The following PAK1 variants were observed in gnomAD, a reference collection of about 807,000 sequenced individuals.
PAK1 encodes the protein serine/threonine-protein kinase PAK 1.
Under a neutral mutation model 67.4 loss-of-function variants are expected in PAK1, and 29 were observed. The ratio of observed to expected loss-of-function variants is 0.43; its 90% CI spans 0.32 to 0.59. The LOEUF is 0.59. Among genes scored for constraint, PAK1 ranks in the 20% least tolerant of loss-of-function variants. The pLI, the probability that PAK1 is intolerant of heterozygous loss-of-function variation, is 0.07. For synonymous variants in PAK1, 223 were observed against 237.4 expected (o/e 0.94, Z 0.56); for missense variants, 337 against 670.7 (o/e 0.50, Z 5.50).
chr11:77,362,141 A>G (rs1454646708), intron 5 of PAK1, among the ~76,000 whole-genome samples: 1 of 152,220 alleles, frequency 6.6e-6, no homozygotes, highest in Non-Finnish European at 1.5e-5. Flanking sequence ...TATTACAGAA[A>G]TGTATGAATA....
intron 2 of PAK1, among the ~76,000 whole-genome samples, chr11:77,391,304 C>T (rs1036611311): frequency 1.3e-5 from 2 of 152,196 alleles, no homozygotes; most frequent in African/African-American, 4.8e-5. Flanking sequence ...AGAGAACTAA[C>T]ATTCAAATAC....
chr11:77,347,146 CAT>C, intron 9 of PAK1: 1 of 451,730 alleles, frequency 2.2e-6, no homozygotes, highest in East Asian at 7.0e-5. Context: ...CCCTTCCATT[CAT>C]AGTTTTGTAA....
chr11:77,410,565 G>A (rs541518378), intron 1 of PAK1, among the ~76,000 whole-genome samples: 1 of 151,934 alleles, frequency 6.6e-6, no homozygotes, highest in Middle Eastern at 3.4e-3. Context: ...TTAGAAAAGA[G>A]AAGAAAGCCT....
intron 1 of PAK1, among the ~76,000 whole-genome samples, chr11:77,450,947 T>C (rs1436015394): frequency 1.3e-5 from 2 of 152,122 alleles, no homozygotes; most frequent in Non-Finnish European, 2.9e-5. Flanking sequence ...AATGGAAATC[T>C]GACTAACAGC....
Position 77,473,710 on chromosome 11 carries a change from CAG to C in PAK1, c.-182_-181del, listed in dbSNP as rs1957985707. The C allele has an allele frequency of 7.4e-6, 1 of 135,654 alleles. No homozygotes were observed. The highest frequency in any genetic ancestry group is 2.7e-5 in the African/African-American group (1 of 37,232). 8.4% of individuals were successfully genotyped at this position (135,654 alleles called of 1,614,324 possible). A position where few individuals can be genotyped will look rare whatever the true frequency, so the allele number is the denominator to read the frequency against. Reference sequence around the variant, plus strand: ...GCCCGTGGCGGGGCTCCCCTCAGGACAGGGGAACTGCGAGGGAAGGGATGATG... The same window carrying C: ...GCCCGTGGCGGGGCTCCCCTCAGGACGGGAACTGCGAGGGAAGGGATGATG... On this transcript the variant is annotated 5_prime_UTR_variant, in exon 1 of 15. Coordinates refer to ENST00000356341, the MANE Select transcript of PAK1 (RefSeq NM_002576.5).
intron 1 of PAK1, among the ~76,000 whole-genome samples, chr11:77,401,050 T>C (rs1434689648): frequency 2.0e-5 from 3 of 152,112 alleles, no homozygotes; most frequent in Admixed American, 1.3e-4. Flanking sequence ...ATAGATAACC[T>C]CTAATATTAA....
chr11:77,527,652 A>G, the PAK1 span, among the ~76,000 whole-genome samples: 1 of 152,160 alleles, frequency 6.6e-6, no homozygotes, highest in South Asian at 2.1e-4. Context: ...ATGCTCTCAT[A>G]TGATATAGTC....
chr11:77,348,742 C>T lies in PAK1; in HGVS notation c.885+497G>A, dbSNP rs115048575. Among the ~76,000 whole-genome samples the T allele has an allele frequency of 3.7e-3, 562 of 152,276 alleles. 6 individuals carry two copies. Among genetic ancestry groups the T allele is most frequent in the African/African-American group, 0.013 (523 of 41,554 alleles). On this transcript the variant is annotated intron_variant, in intron 9 of 14. Coordinates refer to ENST00000356341, the MANE Select transcript of PAK1 (RefSeq NM_002576.5). The stretch of plus-strand genomic sequence containing the variant: ...GTTATCTCTCAAATCCATCCACTTC[C>T]CTCCATCTAACTATTTCACCTTAGT...
chr11:77,330,496 C>T (rs1030146608), intron 14 of PAK1, among the ~76,000 whole-genome samples: 1 of 152,208 alleles, frequency 6.6e-6, no homozygotes, highest in African/African-American at 2.4e-5. Flanking sequence ...CTACAACTAT[C>T]TGATCTTTGA....
At chr11:77,355,271 G>A (rs1323061412) in intron 7 of PAK1, among the ~76,000 whole-genome samples, 3 of 152,120 alleles carry the variant, frequency 2.0e-5, no homozygotes, top group African/African-American at 7.2e-5. Context: ...CAACCAAGAT[G>A]GCAGATGCGT....
chr11:77,509,548 A>G, the PAK1 span, among the ~76,000 whole-genome samples: 2 of 152,122 alleles, frequency 1.3e-5, no homozygotes, highest in African/African-American at 4.8e-5. Flanking sequence ...CCTCACACAG[A>G]TAACTGGTGA....
chr11:77,379,142 C>A, intron 4 of PAK1, 99 bp downstream of exon 4: 1 of 1,035,838 alleles, frequency 9.7e-7, no homozygotes, highest in Admixed American at 2.5e-5. Flanking sequence ...ACTCTTTCCA[C>A]TACTTTCTTC....
intron 1 of PAK1, among the ~76,000 whole-genome samples, chr11:77,414,956 AC>A (rs951968883): frequency 1.8e-4 from 27 of 152,152 alleles, no homozygotes; most frequent in Non-Finnish European, 3.8e-4. Context: ...AAAGAAACAA[AC>A]CACAGACTGG....
At chr11:77,510,507 G>T in the PAK1 span, among the ~76,000 whole-genome samples, 2 of 152,106 alleles carry the variant, frequency 1.3e-5, no homozygotes, top group African/African-American at 4.8e-5. Flanking sequence ...GAGATTACAG[G>T]TGTGTACAGG....
Position 77,427,717 on chromosome 11 carries a change from C to T in PAK1, c.-21-35176G>A, listed in dbSNP as rs764788011. On this transcript the variant is annotated intron_variant, in intron 1 of 14. Coordinates refer to ENST00000356341, the MANE Select transcript of PAK1 (RefSeq NM_002576.5). ...TCAGAGGCAACAGATATGTAAACAGCTGATTGTGAAAAGAGAGAGAATGAA... is the reference window on the plus strand; with the variant it reads ...TCAGAGGCAACAGATATGTAAACAGTTGATTGTGAAAAGAGAGAGAATGAA... 2.4e-4 allele frequency among the ~76,000 whole-genome samples: 37 copies of T among 151,920 alleles called. 1 individual carries two copies. Among genetic ancestry groups the T allele is most frequent in the Non-Finnish European group, 4.4e-4 (30 of 68,018 alleles).
the PAK1 span, among the ~76,000 whole-genome samples, chr11:77,490,446 G>C: frequency 2.7e-5 from 4 of 147,612 alleles, no homozygotes; most frequent in African/African-American, 1.0e-4. Context: ...CGCCCCGTCT[G>C]GGAGGGAGGT....
At chr11:77,527,460 A>G in the PAK1 span, among the ~76,000 whole-genome samples, 3 of 152,260 alleles carry the variant, frequency 2.0e-5, no homozygotes, top group African/African-American at 4.8e-5. Context: ...GATACTTTAT[A>G]TAGATCACCT....
intron 5 of PAK1, among the ~76,000 whole-genome samples, chr11:77,372,630 T>C (rs1948591043): frequency 6.6e-6 from 1 of 152,178 alleles, no homozygotes; most frequent in Non-Finnish European, 1.5e-5. Context: ...AAGCGTCTCA[T>C]CACCTTTAAG....
At chr11:77,354,056 A>T (rs1945664877) in intron 7 of PAK1, among the ~76,000 whole-genome samples, 1 of 152,190 alleles carries the variant, frequency 6.6e-6, no homozygotes, top group African/African-American at 2.4e-5. Context: ...ACACACACAA[A>T]AAAAAGACTG....
Sources: allele counts gnomAD v4.1 joint callset (sites outside exome capture counted in the v4.1 genomes callset), GRCh38; gene constraint gnomAD v4.1.1; transcripts MANE v1.5; gene names NCBI Gene and HGNC (gene_info 2026-07-23, HGNC 2026-07-21).